Variants in SLMAP observed in about 807,000 individuals in gnomAD.
SLMAP encodes the protein sarcolemma associated protein.
Under a neutral mutation model 128.8 loss-of-function variants are expected in SLMAP, and 44 were observed. The ratio of observed to expected loss-of-function variants is 0.34; its 90% confidence interval spans 0.27 to 0.44. The LOEUF (loss-of-function observed/expected upper bound fraction) is 0.44. Ranked by LOEUF, SLMAP falls within the 20% of genes least tolerant of loss-of-function variation. SLMAP has a pLI of 1.00. For synonymous variants in SLMAP, 327 were observed against 348.8 expected (o/e 0.94, Z 0.70); for missense variants, 787 against 985.3 (o/e 0.80, Z 2.69).
chr3:57,879,521 GA>G (rs919759277), intron 14 of SLMAP, among the ~76,000 whole-genome samples: 6 of 151,972 alleles, frequency 3.9e-5, no homozygotes, highest in Admixed American at 6.6e-5. Context: ...ATATTGGGCG[GA>G]AAAAAAGCCT....
intron 2 of SLMAP, among the ~76,000 whole-genome samples, chr3:57,773,401 ATGGTAAAAT>A (rs1055249068): frequency 2.6e-5 from 4 of 152,246 alleles, no homozygotes; most frequent in African/African-American, 7.2e-5. Context: ...TAATTAGCCT[ATGGTAAAAT>A]TGGTAAAATT....
In SLMAP at chr3:57,912,525, G is replaced by C. The variant is rs781418237; in HGVS notation, c.1844G>C (p.Arg615Pro). 3.1e-6 allele frequency: 5 copies of C among 1,614,150 alleles called. No individual in the cohort carries two copies. The highest frequency in any genetic ancestry group is 4.2e-6 in the Non-Finnish European group (5 of 1,180,018). The change falls in exon 20 of 25, where the codon CGG becomes CCG. Residue 615 changes from arginine (R) to proline (P), a missense_variant. By Grantham distance (103) the Arg-to-Pro change is moderately radical. Transcript: ENST00000671191. ...GCAGCAGCAAAGGTTGCCTCTGAGC[G>C]GGACACTGACATTGCTTCTTTACAA... Reference protein sequence around the residue: ...HQAAAKVASERDTDIASLQEE... With the variant: ...HQAAAKVASEPDTDIASLQEE...
chr3:57,876,167 A>G (rs918826380), intron 14 of SLMAP, among the ~76,000 whole-genome samples: 1 of 152,222 alleles, frequency 6.6e-6, no homozygotes, highest in Non-Finnish European at 1.5e-5. Flanking sequence ...TAGAAAGCAA[A>G]TCATTTATTT....
At chr3:57,814,662 G>A (rs1280596123) in intron 2 of SLMAP, among the ~76,000 whole-genome samples, 1 of 152,124 alleles carries the variant, frequency 6.6e-6, no homozygotes, top group African/African-American at 2.4e-5. Context: ...GAGCTGACTA[G>A]TAATTTCCTC....
chr3:57,757,537 T>A lies in SLMAP; in HGVS notation c.-115T>A. 1 of 854,422 alleles carries A rather than the reference T, an allele frequency of 1.2e-6. No homozygotes were observed. 52.9% of individuals were successfully genotyped at this position (854,422 alleles called of 1,614,324 possible). ...TGGTTATGCTTAGACAATGTGCAGT[T>A]TGTGTTAATTTAAAATTTTGGGTGG... On this transcript the variant is annotated 5_prime_UTR_variant, in exon 2 of 25. In the 5' UTR this introduces an upstream ATG that the reference lacks. Transcript: ENST00000671191.
chr3:57,812,804 A>C (rs780206827), intron 2 of SLMAP, among the ~76,000 whole-genome samples: 31 of 152,050 alleles, frequency 2.0e-4, no homozygotes, highest in Non-Finnish European at 4.0e-4. Flanking sequence ...TTAATTCATT[A>C]AAAATTTTTT....
intron 14 of SLMAP, among the ~76,000 whole-genome samples, chr3:57,876,233 G>T (rs1481864056): frequency 6.6e-6 from 1 of 152,118 alleles, no homozygotes; most frequent in Non-Finnish European, 1.5e-5. Context: ...CAGTTTATGT[G>T]TATGAATCTA....
intron 3 of SLMAP, among the ~76,000 whole-genome samples, chr3:57,836,093 A>G (rs1018070683): frequency 1.3e-5 from 2 of 152,146 alleles, no homozygotes; most frequent in Non-Finnish European, 2.9e-5. Flanking sequence ...ATGTTGAGTA[A>G]AGAAAGAATC....
intron 4 of SLMAP, among the ~76,000 whole-genome samples, chr3:57,843,780 T>C (rs552527371): frequency 7.3e-6 from 1 of 136,342 alleles, no homozygotes; most frequent in Non-Finnish European, 1.6e-5. Context: ...TCTTTCTTTT[T>C]TTTTTTTTTT....
chr3:57,864,164 T>G (rs181622267), intron 10 of SLMAP, among the ~76,000 whole-genome samples: 3 of 152,282 alleles, frequency 2.0e-5, no homozygotes, highest in African/African-American at 7.2e-5. Context: ...TCCCAGCACT[T>G]TGGGAGGCCA....
At chr3:57,852,482 A>G (rs1421849924) in intron 6 of SLMAP, among the ~76,000 whole-genome samples, 1 of 152,200 alleles carries the variant, frequency 6.6e-6, no homozygotes, top group Non-Finnish European at 1.5e-5. Flanking sequence ...CATTTTCCTC[A>G]TCTGTGAAAT....
At chr3:57,909,649 G>A (rs1166923783) in intron 19 of SLMAP, among the ~76,000 whole-genome samples, 8 of 151,912 alleles carry the variant, frequency 5.3e-5, no homozygotes, top group Non-Finnish European at 1.0e-4. Flanking sequence ...TTTCGCTCTT[G>A]TTGCCCAGGC....
At chr3:57,896,136 C>A (rs2096241069) in intron 15 of SLMAP, 1 of 599,486 alleles carries the variant, frequency 1.7e-6, no homozygotes, top group Non-Finnish European at 2.1e-6. Flanking sequence ...TGTAACAGAG[C>A]CTTCTCCTTT....
At chr3:57,873,885 C>T (rs946816721) in intron 14 of SLMAP, among the ~76,000 whole-genome samples, 7 of 152,164 alleles carry the variant, frequency 4.6e-5, no homozygotes, top group African/African-American at 1.7e-4. Context: ...CTTTGGAAGG[C>T]TGAGGCGGGC....
intron 9 of SLMAP, among the ~76,000 whole-genome samples, chr3:57,861,056 G>A (rs116389702): frequency 5.9e-5 from 9 of 152,254 alleles, no homozygotes; most frequent in African/African-American, 1.4e-4. Flanking sequence ...AAATAAAAGC[G>A]TAACCAGGGA....
chr3:57,869,027 T>TATATATATA, intron 13 of SLMAP, among the ~76,000 whole-genome samples: 1 of 139,580 alleles, frequency 7.2e-6, no homozygotes, highest in South Asian at 2.2e-4. Context: ...ATATGTGTAT[T>TATATATATA]ATATATATAA....
intron 2 of SLMAP, among the ~76,000 whole-genome samples, chr3:57,764,489 G>A (rs1418470303): frequency 1.4e-5 from 2 of 144,828 alleles, no homozygotes; most frequent in African/African-American, 2.5e-5. Context: ...GCAACAGAGG[G>A]AGACTGCATC....
chr3:57,870,510 G>A (rs2095456172), intron 13 of SLMAP, among the ~76,000 whole-genome samples: 1 of 152,102 alleles, frequency 6.6e-6, no homozygotes, highest in Non-Finnish European at 1.5e-5. Flanking sequence ...TATACTGATG[G>A]TGATGATAGA....
At chr3:57,768,473 C>A (rs1163846832) in intron 2 of SLMAP, among the ~76,000 whole-genome samples, 1 of 152,088 alleles carries the variant, frequency 6.6e-6, no homozygotes, top group Admixed American at 6.6e-5. Flanking sequence ...AATCCTAGCA[C>A]TTTGGGAGGC....
Sources: gnomAD v4.1 joint callset for allele counts (sites outside exome capture counted in the v4.1 genomes callset) on GRCh38, gnomAD v4.1.1 for gene constraint, MANE v1.5 for transcripts, NCBI Gene and HGNC (gene_info 2026-07-23, HGNC 2026-07-21) for gene names.